Variants in SLC12A5 observed in about 807,000 individuals in gnomAD.
SLC12A5 encodes the protein solute carrier family 12 member 5.
Under a neutral mutation model 124.0 loss-of-function variants are expected in SLC12A5, and 18 were observed. The observed-to-expected ratio is 0.15, with a 90% confidence interval of 0.10 to 0.22. The LOEUF (loss-of-function observed/expected upper bound fraction) is 0.22. Ranked by LOEUF, SLC12A5 falls within the 10% of genes least tolerant of loss-of-function variation. SLC12A5 has a pLI of 1.00. For synonymous variants in SLC12A5, 589 were observed against 568.0 expected (o/e 1.04, Z -0.53); for missense variants, 867 against 1,478.7 (o/e 0.59, Z 6.78).
upstream of SLC12A5, chr20:46,021,768 G>A (rs1340357715): frequency 1.3e-6 from 2 of 1,533,730 alleles, no homozygotes; most frequent in South Asian, 1.2e-5. Flanking sequence ...TCCGCGCCAT[G>A]AGCCGCAGGT....
At chr20:46,033,953 T>C (rs1340411433) in intron 1 of SLC12A5, among the ~76,000 whole-genome samples, 1 of 152,164 alleles carries the variant, frequency 6.6e-6, no homozygotes, top group Non-Finnish European at 1.5e-5. Flanking sequence ...TCATGGTATT[T>C]TTTTTTTGCC....
intron 18 of SLC12A5, 136 bp from the exon 19 acceptor site, chr20:46,052,821 A>G: frequency 2.3e-6 from 2 of 888,618 alleles, no homozygotes; most frequent in Non-Finnish European, 3.4e-6. Context: ...TGGTTTTCTG[A>G]CCACTCAGCC....
intron 8 of SLC12A5, among the ~76,000 whole-genome samples, chr20:46,042,369 G>A (rs1015611874): frequency 6.6e-6 from 1 of 152,190 alleles, no homozygotes; most frequent in African/African-American, 2.4e-5. Flanking sequence ...AGGGGGCCCA[G>A]GAAGGGGCTG....
Position 46,053,015 on chromosome 20 carries a change from C to T in SLC12A5, c.2436C>T (p.Ser812=), listed in dbSNP as rs2084659405. The T allele has an allele frequency of 1.2e-6, 2 of 1,614,166 alleles. No homozygotes were observed. Among genetic ancestry groups the T allele is most frequent in the African/African-American group, 2.7e-5 (2 of 75,056 alleles). Residue 812 remains serine, a synonymous_variant, in exon 19 of 26, where the codon TCC becomes TCT. Transcript: ENST00000243964. This position sits in a 1 kb window ranked among gnomAD's most constrained non-coding sequence, Gnocchi z 4.7. ...CCCTGCTGGTCACCAAGAACGTTTCCATGTTTCCTGGGAACCCTGAGCGCT... is the reference window on the plus strand; with the variant it reads ...CCCTGCTGGTCACCAAGAACGTTTCTATGTTTCCTGGGAACCCTGAGCGCT... The part of the protein sequence containing the change: ...HLALLVTKNV[S]MFPGNPERFS...
At position 46,043,141 on chromosome 20, in the gene SLC12A5, G is replaced by C. The variant is rs780511518; in HGVS notation, c.1067-12G>C. On this transcript the variant is annotated splice_polypyrimidine_tract_variant and intron_variant, in intron 8 of 25. Coordinates refer to ENST00000243964, the MANE Select transcript of SLC12A5 (RefSeq NM_020708.5). ...TGGCTGGCCTCCCCCTGAGCATTCTGTCTCCCCACAGAGAACCTCTGGAGC... is the reference window on the plus strand; with the variant it reads ...TGGCTGGCCTCCCCCTGAGCATTCTCTCTCCCCACAGAGAACCTCTGGAGC... The C allele has an allele frequency of 1.9e-6, 3 of 1,612,480 alleles. No individual in the cohort carries two copies. The highest frequency in any genetic ancestry group is 4.5e-5 in the East Asian group (2 of 44,828).
At chr20:46,025,897 T>C (rs1216728873), upstream of SLC12A5, among the ~76,000 whole-genome samples, 1 of 152,020 alleles carries the variant, frequency 6.6e-6, no homozygotes, top group Non-Finnish European at 1.5e-5. Context: ...GTGGGGGTAA[T>C]GCAGTGGAGA....
At chr20:46,047,901 G>A in intron 15 of SLC12A5, 80 bp from the exon 16 acceptor site, 2 of 1,325,274 alleles carry the variant, frequency 1.5e-6, no homozygotes, top group Non-Finnish European at 2.1e-6. Context: ...TCTGCCCTGG[G>A]GTAGCTGGTG....
chr20:46,030,942 C>A (rs1454723920), intron 1 of SLC12A5, among the ~76,000 whole-genome samples: 1 of 152,138 alleles, frequency 6.6e-6, no homozygotes, highest in Non-Finnish European at 1.5e-5. Flanking sequence ...TCCGCCCCCT[C>A]CCCCGCGGGC....
rs998564707 is a variant in SLC12A5 at position 46,060,095 on chromosome 20, C to T, written c.*2490C>T. The T allele has an allele frequency of 3.9e-5, 6 of 153,730 alleles. No homozygotes were observed. The highest frequency in any genetic ancestry group is 1.4e-4 in the African/African-American group (6 of 41,544). The allele number at this position is 153,730 out of a possible 1,614,324, so 9.5% of individuals were successfully genotyped here. The stretch of plus-strand genomic sequence containing the variant: ...ATGCTTTATGGCTTTTACTGTGTTA[C>T]TTTTTTAGACTCCCGTCTGCACAAA... On this transcript the variant is annotated 3_prime_UTR_variant, in exon 26 of 26. Coordinates refer to ENST00000243964, the MANE Select transcript of SLC12A5 (RefSeq NM_020708.5).
chr20:46,035,504 A>G lies in SLC12A5; in HGVS notation c.248A>G (p.Asn83Ser). Reference protein sequence around the residue: ...QGSREHEEAENNEGGKKKPVQ... With the variant: ...QGSREHEEAESNEGGKKKPVQ... ...AGTAGGGAGCATGAAGAGGCAGAAA[A>G]CAATGAGGGTGGAAAAAAGAAGCCG... Residue 83 changes from asparagine to serine, a missense_variant, in exon 3 of 26, where the codon AAC (asparagine) becomes AGC (serine). Physicochemically the swap from Asn to Ser is conservative, Grantham distance 46. Transcript: ENST00000243964. 6.2e-7 allele frequency: 1 copy of G among 1,613,560 alleles called. No individual in the cohort carries two copies. The highest frequency in any genetic ancestry group is 8.5e-7 in the Non-Finnish European group (1 of 1,179,816).
intron 6 of SLC12A5, chr20:46,038,169 A>G (rs2084514481): frequency 6.6e-6 from 1 of 152,134 alleles, no homozygotes; most frequent in South Asian, 2.1e-4. Context: ...TGACTCTCTC[A>G]TGAGTTAAAG....
upstream of SLC12A5, among the ~76,000 whole-genome samples, chr20:46,025,246 T>C (rs1227377421): frequency 1.3e-5 from 2 of 152,200 alleles, no homozygotes; most frequent in African/African-American, 4.8e-5. Flanking sequence ...AGTCTCTCCA[T>C]CTGTAAATTG....
chr20:46,044,963 C>A lies in SLC12A5; in HGVS notation c.1395-3C>A. The A allele has an allele frequency of 6.2e-7, 1 of 1,614,198 alleles. No homozygotes were observed. Among genetic ancestry groups the A allele is most frequent in the Non-Finnish European group, 8.5e-7 (1 of 1,180,020 alleles). On this transcript the variant is annotated splice_region_variant and splice_polypyrimidine_tract_variant and intron_variant, in intron 11 of 25. Coordinates refer to ENST00000243964, the MANE Select transcript of SLC12A5 (RefSeq NM_020708.5). The stretch of plus-strand genomic sequence containing the variant: ...CTGGCATCTCCTGTCCACATCATTC[C>A]AGGTTTGGCGAAGCTGTGAATGGCA...
rs182431598 is a variant in SLC12A5, at chr20:46,056,042, A to T, written c.2788-108A>T. ...ATAGCAATATTTTAACAACTGGTAC[A>T]GTTCCAGAAAGTGCATCCTGGCTGA... is the stretch of plus-strand genomic sequence containing the variant. On this transcript the variant is annotated intron_variant, in intron 21 of 25. Coordinates refer to ENST00000243964, the MANE Select transcript of SLC12A5 (RefSeq NM_020708.5). This position sits in a 1 kb window ranked among gnomAD's most constrained non-coding sequence, Gnocchi z 4.3. 2.5e-5 allele frequency: 36 copies of T among 1,459,584 alleles called. No homozygotes were observed. The African/African-American group carries it at 3.8e-4, about 15-fold the overall frequency. 90.4% of individuals were successfully genotyped at this position (1,459,584 alleles called of 1,614,324 possible). A position where few individuals can be genotyped will look rare whatever the true frequency, so the allele number is the denominator to read the frequency against.
At chr20:46,050,437 G>A (rs576475576) in intron 17 of SLC12A5, among the ~76,000 whole-genome samples, 33 of 152,360 alleles carry the variant, frequency 2.2e-4, no homozygotes, top group Middle Eastern at 3.4e-3. Flanking sequence ...GAGGTGATTG[G>A]ATCCCAAGGG....
intron 6 of SLC12A5, among the ~76,000 whole-genome samples, chr20:46,039,239 G>A (rs865848368): frequency 6.6e-6 from 1 of 152,042 alleles, no homozygotes; most frequent in African/African-American, 2.4e-5. Context: ...ATTTAGCATG[G>A]GAATTTTAGA....
chr20:46,053,188 GCA>G lies in SLC12A5; in HGVS notation c.2547+63_2547+64del. 2 of 1,536,926 alleles carry G rather than the reference GCA, an allele frequency of 1.3e-6. No homozygotes were observed. The highest frequency in any genetic ancestry group is 1.2e-5 in the South Asian group (1 of 83,964). ...TGTGTATGCATGTATGCATTTGTGT[GCA>G]TATGTGCACAACTGCAGGTCAGACT... On this transcript the variant is annotated intron_variant, in intron 19 of 25. Coordinates refer to ENST00000243964, the MANE Select transcript of SLC12A5 (RefSeq NM_020708.5). This position sits in a 1 kb window ranked among gnomAD's most constrained non-coding sequence, Gnocchi z 4.7.
intron 11 of SLC12A5, 60 bp from the exon 12 acceptor site, chr20:46,044,905 AC>A: frequency 6.2e-7 from 1 of 1,602,176 alleles, no homozygotes; most frequent in South Asian, 1.1e-5. Context: ...TGGTATGGAG[AC>A]CTGCCCTGGA....
At position 46,040,477 on chromosome 20, in the gene SLC12A5, C is replaced by T. The variant is rs1301535299; in HGVS notation, c.717C>T (p.Thr239=). ...NMRVYGTCVL[T]CMATVVFVGV... Reference sequence around the variant, plus strand: ...GTGTTTACGGCACCTGTGTGCTCACCTGCATGGCCACTGTGGTGTTTGTGG... The same window carrying T: ...GTGTTTACGGCACCTGTGTGCTCACTTGCATGGCCACTGTGGTGTTTGTGG... Residue 239 remains threonine, a synonymous_variant, in exon 7 of 26, where the codon ACC becomes ACT. Transcript: ENST00000243964. 2 of 1,614,262 alleles carry T rather than the reference C, an allele frequency of 1.2e-6. No individual in the cohort carries two copies. The highest frequency in any genetic ancestry group is 1.7e-6 in the Non-Finnish European group (2 of 1,180,050).
Sources: allele counts gnomAD v4.1 joint callset (sites outside exome capture counted in the v4.1 genomes callset), GRCh38; gene constraint gnomAD v4.1.1; non-coding constraint Gnocchi (gnomAD v3.1); transcripts MANE v1.5; gene names NCBI Gene and HGNC (gene_info 2026-07-23, HGNC 2026-07-21).